The following ANKFN1 variants were observed in gnomAD, a reference collection of about 807,000 sequenced individuals.
ANKFN1 encodes the protein ankyrin repeat and fibronectin type-III domain-containing protein 1.
Under a neutral mutation model 108.7 loss-of-function variants are expected in ANKFN1, and 74 were observed. The observed-to-expected ratio is 0.68, with a 90% CI of 0.56 to 0.83. The LOEUF is 0.83. Among genes scored for constraint, ANKFN1 ranks in the 40% least tolerant of loss-of-function variants. The pLI is 0.00. For missense variants in ANKFN1, 1,505 were observed against 1,382.3 expected, an observed-to-expected ratio of 1.09 and a Z score of -1.41; for synonymous variants, 547 against 516.2, an observed-to-expected ratio of 1.06 and a Z score of -0.81.
intron 3 of ANKFN1, among the ~76,000 whole-genome samples, chr17:56,294,087 T>A (rs1209551539): frequency 2.6e-5 from 4 of 152,230 alleles, no homozygotes; most frequent in South Asian, 2.1e-4. Flanking sequence ...TTCACCTCCA[T>A]CACCGTGAGA....
intron 19 of ANKFN1, among the ~76,000 whole-genome samples, chr17:56,495,529 G>A (rs1275389117): frequency 6.6e-6 from 1 of 152,154 alleles, no homozygotes; most frequent in African/African-American, 2.4e-5. Flanking sequence ...GAGCAAGGGA[G>A]TCTATGTAAA....
intron 1 of ANKFN1, chr17:56,174,263 C>T: frequency 1.0e-6 from 1 of 985,598 alleles, no homozygotes; most frequent in Non-Finnish European, 1.2e-6. Context: ...ACTCAGCCCT[C>T]CAGAGACACT....
intron 6 of ANKFN1, among the ~76,000 whole-genome samples, chr17:56,370,628 G>C (rs1380565138): frequency 1.3e-5 from 2 of 152,196 alleles, no homozygotes; most frequent in Admixed American, 6.5e-5. Flanking sequence ...AGTGGGTAGA[G>C]AGTGCAGTTA....
chr17:56,134,837 A>G (rs562285682), intron 4 of ANKFN1, among the ~76,000 whole-genome samples: 1 of 152,288 alleles, frequency 6.6e-6, no homozygotes, highest in African/African-American at 2.4e-5. Context: ...TTCTACCTCC[A>G]TCTCAATCAA....
intron 4 of ANKFN1, among the ~76,000 whole-genome samples, chr17:56,058,131 A>C (rs1371090157): frequency 6.6e-6 from 1 of 152,262 alleles, no homozygotes; most frequent in East Asian, 1.9e-4. Context: ...TTGGAATGGT[A>C]AATGAACAAT....
Position 56,350,829 on chromosome 17 carries a change from T to C in ANKFN1, c.252T>C (p.His84=), listed in dbSNP as rs2046227471. The C allele has an allele frequency of 1.9e-6, 3 of 1,613,838 alleles. No individual in the cohort carries two copies. Among genetic ancestry groups the C allele is most frequent in the Non-Finnish European group, 2.5e-6 (3 of 1,179,876 alleles). ...QNLHLCQSKK[H]SAPSSPNAAK... ...TACATCTCTGTCAGTCAAAAAAACA[T>C]AGTGCTCCCTCATCTCCCAACGCAG... The change falls in exon 5 of 21, where the codon CAT becomes CAC. Residue 84 remains histidine, a synonymous_variant. Transcript: ENST00000682825.
chr17:56,413,714 A>G (rs2048160173), intron 8 of ANKFN1, among the ~76,000 whole-genome samples: 1 of 151,976 alleles, frequency 6.6e-6, no homozygotes, highest in Non-Finnish European at 1.5e-5. Context: ...TGTTTATGTG[A>G]AGAATCACTT....
intron 4 of ANKFN1, among the ~76,000 whole-genome samples, chr17:56,080,084 G>A (rs571465788): frequency 5.1e-4 from 77 of 152,212 alleles, no homozygotes; most frequent in African/African-American, 1.1e-3. Flanking sequence ...AAGAAAATAC[G>A]TTTTTCACCT....
At chr17:56,349,992 C>A (rs2046204674) in intron 4 of ANKFN1, among the ~76,000 whole-genome samples, 1 of 152,128 alleles carries the variant, frequency 6.6e-6, no homozygotes, top group Non-Finnish European at 1.5e-5. Flanking sequence ...GAGCAATACC[C>A]ACAGTTATTG....
intron 4 of ANKFN1, among the ~76,000 whole-genome samples, chr17:56,092,490 G>A (rs903104660): frequency 6.6e-6 from 1 of 150,838 alleles, no homozygotes; most frequent in Non-Finnish European, 1.5e-5. Flanking sequence ...TAGCCAGGAT[G>A]GTCTCGATCT....
At chr17:56,450,616 T>TGGTAA (rs2049450290) in intron 11 of ANKFN1, among the ~76,000 whole-genome samples, 2 of 152,206 alleles carry the variant, frequency 1.3e-5, no homozygotes. Flanking sequence ...TATTGAGGGC[T>TGGTAA]CATTTAACCA....
intron 4 of ANKFN1, among the ~76,000 whole-genome samples, chr17:56,081,595 C>T (rs1410025038): frequency 4.6e-5 from 7 of 152,230 alleles, no homozygotes; most frequent in South Asian, 4.2e-4. Context: ...TCAGGTTATC[C>T]GCCTGCCTCA....
chr17:56,306,860 G>A (rs1169966075), intron 3 of ANKFN1, among the ~76,000 whole-genome samples: 3 of 152,178 alleles, frequency 2.0e-5, no homozygotes, highest in Non-Finnish European at 2.9e-5. Context: ...AAACAGCATG[G>A]TACTGGTACC....
intron 14 of ANKFN1, among the ~76,000 whole-genome samples, chr17:56,461,843 G>A (rs1232122469): frequency 6.6e-6 from 1 of 152,144 alleles, no homozygotes. Context: ...ATGTACCCCA[G>A]TGATCACACT....
At chr17:56,152,979 G>C (rs571599134), upstream of ANKFN1, among the ~76,000 whole-genome samples, 41 of 152,252 alleles carry the variant, frequency 2.7e-4, 1 homozygote, top group Admixed American at 2.7e-3. Context: ...AACCAATCCA[G>C]TAGCCAAAAT....
intron 3 of ANKFN1, among the ~76,000 whole-genome samples, chr17:56,237,870 G>A (rs990486475): frequency 6.6e-6 from 1 of 151,996 alleles, no homozygotes; most frequent in Admixed American, 6.6e-5. Context: ...GTGATGTTAG[G>A]TTGTTAATTT....
At chr17:56,242,749 T>C (rs1431304049) in intron 3 of ANKFN1, among the ~76,000 whole-genome samples, 1 of 152,154 alleles carries the variant, frequency 6.6e-6, no homozygotes, top group Admixed American at 6.6e-5. Flanking sequence ...TCTCGGACTT[T>C]AGTAAGAATT....
At chr17:56,481,901 T>C (rs548170260) in intron 17 of ANKFN1, among the ~76,000 whole-genome samples, 3 of 152,266 alleles carry the variant, frequency 2.0e-5, no homozygotes, top group East Asian at 3.9e-4. Context: ...TTGGGCTACA[T>C]ATACATGTTG....
chr17:56,326,979 G>C (rs2045534621), intron 4 of ANKFN1, among the ~76,000 whole-genome samples: 1 of 152,160 alleles, frequency 6.6e-6, no homozygotes, highest in African/African-American at 2.4e-5. Flanking sequence ...TGTTGCATCT[G>C]TGTTATCTAA....
Sources: allele counts gnomAD v4.1 joint callset (sites outside exome capture counted in the v4.1 genomes callset), GRCh38; gene constraint gnomAD v4.1.1; transcripts MANE v1.5; gene names NCBI Gene and HGNC (gene_info 2026-07-23, HGNC 2026-07-21).